The following KISS1R variants were observed in gnomAD, a reference collection of about 807,000 sequenced individuals.
KISS1R encodes KISS1 receptor, also known as kiSS-1 receptor.
Under a neutral mutation model 22.0 loss-of-function variants are expected in KISS1R, and 19 were observed. That is an observed-to-expected ratio of 0.86 (90% CI 0.60 to 1.26). The LOEUF (loss-of-function observed/expected upper bound fraction) is 1.26. Among genes scored for constraint, KISS1R ranks in the 50% most tolerant of loss-of-function variants. KISS1R has a pLI of 0.00. For missense variants in KISS1R, 653 were observed against 581.9 expected, an observed-to-expected ratio of 1.12 and a Z score of -1.26; for synonymous variants, 302 against 283.9, an observed-to-expected ratio of 1.06 and a Z score of -0.64.
At chr19:918,763 G>A (rs2037083745) in intron 2 of KISS1R, 95 bp downstream of exon 2, 1 of 1,425,072 alleles carries the variant, frequency 7.0e-7, no homozygotes, top group South Asian at 1.3e-5. Context: ...GGGGACAGGC[G>A]GGAGTGCGCT....
chr19:918,568 C>G lies in KISS1R; in HGVS notation c.269C>G (p.Thr90Ser), dbSNP rs944145153. ...YIANLAATDV[T>S]FLLCCVPFTA... ...GCCAACCTGGCGGCCACGGACGTGACCTTCCTCCTGTGCTGCGTCCCCTTC... is the reference window on the plus strand; with the variant it reads ...GCCAACCTGGCGGCCACGGACGTGAGCTTCCTCCTGTGCTGCGTCCCCTTC... Residue 90 changes from threonine (T) to serine (S), a missense_variant, in exon 2 of 5, where the codon ACC (threonine) becomes AGC (serine). Transcript: ENST00000234371. The G allele has an allele frequency of 3.2e-5, 50 of 1,551,236 alleles. No homozygotes were observed. Among genetic ancestry groups the G allele is most frequent in the Non-Finnish European group, 4.1e-5 (47 of 1,147,342 alleles).
chr19:918,723 C>A, intron 2 of KISS1R, 55 bp downstream of exon 2: 1 of 1,478,650 alleles, frequency 6.8e-7, no homozygotes, highest in Non-Finnish European at 9.0e-7. Context: ...CGGGGGTGCG[C>A]TCCGCAGTGG....
In KISS1R at chr19:920,615, A is replaced by G; in HGVS notation, c.1064A>G (p.Asp355Gly). 1 of 1,390,498 alleles carries G rather than the reference A, an allele frequency of 7.2e-7. No homozygotes were observed. Among genetic ancestry groups the G allele is most frequent in the Non-Finnish European group, 9.2e-7 (1 of 1,082,678 alleles). 86.1% of individuals were successfully genotyped at this position (1,390,498 alleles called of 1,614,324 possible). Residue 355 changes from aspartate to glycine, a missense_variant, in exon 5 of 5, where the codon GAC becomes GGC. Transcript: ENST00000234371. ...PRRPRRPGPS[D>G]PAAPHAELLR... is the part of the protein sequence containing the mutation. The stretch of plus-strand genomic sequence containing the variant: ...CGCCCCCGCCGGCCCGGACCCTCGG[A>G]CCCCGCAGCCCCACACGCGGAGCTG...
chr19:920,082 C>T lies in KISS1R; in HGVS notation c.714C>T (p.Pro238=). The T allele has an allele frequency of 6.7e-7, 1 of 1,492,450 alleles. No individual in the cohort carries two copies. 92.5% of individuals were successfully genotyped at this position (1,492,450 alleles called of 1,614,324 possible). The change falls in exon 4 of 5, where the codon CCC becomes CCT. Residue 238 remains proline (P), a synonymous_variant. Transcript: ENST00000234371. ...LRHLGRVAVR[P]APADSALQGQ... ...ACCTGGGCCGGGTCGCCGTGCGCCC[C>T]GCGCCCGCCGATAGCGCCCTGCAGG...
At position 919,909 on chromosome 19, in the gene KISS1R, C is replaced by A. The variant is rs1319615810; in HGVS notation, c.541C>A (p.His181Asn). 9.7e-6 allele frequency: 15 copies of A among 1,548,320 alleles called. 1 individual carries two copies. Among genetic ancestry groups the A allele is most frequent in the African/African-American group, 1.4e-5 (1 of 73,168 alleles). The change falls in exon 4 of 5, where the codon CAC becomes AAC. Residue 181 changes from histidine (H) to asparagine (N), a missense_variant. Physicochemically the swap from His to Asn is moderately conservative, Grantham distance 68. Coordinates refer to ENST00000234371, the MANE Select transcript of KISS1R (RefSeq NM_032551.5). ...GGTGTCTGCGCCGGTGCTCGCCCTG[C>A]ACCGCCTGTCACCCGGGCCGCGCGC... ...AAVSAPVLAL[H>N]RLSPGPRAYC...
chr19:918,409 GGA>G (rs1491006150), intron 1 of KISS1R, 133 bp from the exon 2 acceptor site: 23,355 of 158,056 alleles, frequency 0.15, 68 homozygotes, highest in African/African-American at 0.27. Context: ...GGGCGCTGGG[GGA>G]GGGGGGGGCC....
At chr19:918,242 G>A (rs1398517707) in intron 1 of KISS1R, among the ~76,000 whole-genome samples, 3 of 152,262 alleles carry the variant, frequency 2.0e-5, no homozygotes, top group Admixed American at 6.5e-5. Context: ...GAGGCTCAGA[G>A]GGTCAGGGGC....
intron 2 of KISS1R, 51 bp downstream of exon 2, chr19:918,719 T>TG (rs1170096548): frequency 1.6e-5 from 19 of 1,202,528 alleles, no homozygotes; most frequent in Non-Finnish European, 1.8e-5. Flanking sequence ...CGGGCGGGGG[T>TG]GCGCTCCGCA....
chr19:919,636 C>T lies in KISS1R; in HGVS notation c.505+11C>T. 6.5e-7 allele frequency: 1 copy of T among 1,546,748 alleles called. No homozygotes were observed. ...TCAGCATCTGGGTAGGTGAGTACAG[C>T]TCAGGGGCCTCACGGGAGAAGGCGG... On this transcript the variant is annotated intron_variant, in intron 3 of 4. Coordinates refer to ENST00000234371, the MANE Select transcript of KISS1R (RefSeq NM_032551.5).
At chr19:917,817 C>G (rs2037071038) in intron 1 of KISS1R, 71 bp downstream of exon 1, 6 of 1,502,306 alleles carry the variant, frequency 4.0e-6, no homozygotes, top group Non-Finnish European at 5.3e-6. Flanking sequence ...CTGGGGCGCC[C>G]TCTCGCGACG....
chr19:919,958 G>C lies in KISS1R; in HGVS notation c.590G>C (p.Ser197Thr), dbSNP rs769043782. The C allele has an allele frequency of 3.2e-6, 5 of 1,571,048 alleles. No homozygotes were observed. In the South Asian group the frequency reaches 5.8e-5, roughly 18 times the overall value. Residue 197 changes from serine (S) to threonine (T), a missense_variant, in exon 4 of 5, where the codon AGC becomes ACC. Coordinates refer to ENST00000234371, the MANE Select transcript of KISS1R (RefSeq NM_032551.5). Reference protein sequence around the residue: ...PRAYCSEAFPSRALERAFALY... With the variant: ...PRAYCSEAFPTRALERAFALY... ...GCCTACTGCAGTGAGGCCTTCCCCA[G>C]CCGCGCCCTGGAGCGCGCCTTCGCA... is the stretch of plus-strand genomic sequence containing the variant.
At chr19:919,428 G>A (rs758307359) in intron 2 of KISS1R, 62 bp from the exon 3 acceptor site, 130 of 1,533,460 alleles carry the variant, frequency 8.5e-5, no homozygotes, top group Non-Finnish European at 1.1e-4. Flanking sequence ...CAGCAGGGCG[G>A]GCGGACAGGG....
chr19:918,561 G>T lies in KISS1R; in HGVS notation c.262G>T (p.Asp88Tyr), dbSNP rs1258456090. Reference sequence around the variant, plus strand: ...CACCGCAGCCAACCTGGCGGCCACGGACGTGACCTTCCTCCTGTGCTGCGT... The same window carrying T: ...CACCGCAGCCAACCTGGCGGCCACGTACGTGACCTTCCTCCTGTGCTGCGT... ...NFYIANLAAT[D>Y]VTFLLCCVPF... is the part of the protein sequence containing the mutation. The change falls in exon 2 of 5, where the codon GAC becomes TAC. Residue 88 changes from aspartate (D) to tyrosine (Y), a missense_variant. By Grantham distance (160) the Asp-to-Tyr change is radical. Coordinates refer to ENST00000234371, the MANE Select transcript of KISS1R (RefSeq NM_032551.5). 2 of 1,550,794 alleles carry T rather than the reference G, an allele frequency of 1.3e-6. No homozygotes were observed. The highest frequency in any genetic ancestry group is 1.4e-5 in the African/African-American group (1 of 73,182).
At chr19:919,173 G>C in intron 2 of KISS1R, among the ~76,000 whole-genome samples, 1 of 151,702 alleles carries the variant, frequency 6.6e-6, no homozygotes, top group East Asian at 1.9e-4. Context: ...ACGGGGACCC[G>C]GGTCACTGGT....
chr19:920,275 A>G lies in KISS1R; in HGVS notation c.739-15A>G. The G allele has an allele frequency of 2.6e-6, 4 of 1,566,860 alleles. No homozygotes were observed. The highest frequency in any genetic ancestry group is 3.4e-6 in the Non-Finnish European group (4 of 1,165,710). On this transcript the variant is annotated splice_polypyrimidine_tract_variant and intron_variant, in intron 4 of 4. Coordinates refer to ENST00000234371, the MANE Select transcript of KISS1R (RefSeq NM_032551.5). Reference sequence around the variant, plus strand: ...CCCAGCCTTTCGTCTAACCACCTTCACGGCACCCCCCCAGGGGCAGGTGCT... The same window carrying G: ...CCCAGCCTTTCGTCTAACCACCTTCGCGGCACCCCCCCAGGGGCAGGTGCT...
In KISS1R at chr19:919,922, C is replaced by G; in HGVS notation, c.554C>G (p.Pro185Arg). ...GTGCTCGCCCTGCACCGCCTGTCACCCGGGCCGCGCGCCTACTGCAGTGAG... is the reference window on the plus strand; with the variant it reads ...GTGCTCGCCCTGCACCGCCTGTCACGCGGGCCGCGCGCCTACTGCAGTGAG... ...APVLALHRLS[P>R]GPRAYCSEAF... The change falls in exon 4 of 5, where the codon CCC (proline) becomes CGC (arginine). Residue 185 changes from proline to arginine, a missense_variant. Physicochemically the swap from Pro to Arg is moderately radical, Grantham distance 103. Transcript: ENST00000234371. The G allele has an allele frequency of 1.3e-6, 2 of 1,556,968 alleles. No individual in the cohort carries two copies. The highest frequency in any genetic ancestry group is 2.3e-5 in the South Asian group (2 of 85,478).
At position 919,948 on chromosome 19, in the gene KISS1R, G is replaced by T; in HGVS notation, c.580G>T (p.Ala194Ser). 6.4e-7 allele frequency: 1 copy of T among 1,569,526 alleles called. No individual in the cohort carries two copies. Residue 194 changes from alanine to serine, a missense_variant, in exon 4 of 5, where the codon GCC (alanine) becomes TCC (serine). By Grantham distance (99) the Ala-to-Ser change is moderately conservative (BLOSUM62 1). Transcript: ENST00000234371. ...SPGPRAYCSE[A>S]FPSRALERAF... ...CGGGCCGCGCGCCTACTGCAGTGAG[G>T]CCTTCCCCAGCCGCGCCCTGGAGCG...
Position 920,622 on chromosome 19 carries a change from A to C in KISS1R, c.1071A>C (p.Ala357=). Residue 357 remains alanine (A), a synonymous_variant, in exon 5 of 5, where the codon GCA becomes GCC. Coordinates refer to ENST00000234371, the MANE Select transcript of KISS1R (RefSeq NM_032551.5). ...RPRRPGPSDP[A]APHAELLRLG... ...GCCGGCCCGGACCCTCGGACCCCGC[A>C]GCCCCACACGCGGAGCTGCTCCGCC... 5 of 1,370,884 alleles carry C rather than the reference A, an allele frequency of 3.6e-6. No individual in the cohort carries two copies. The highest frequency in any genetic ancestry group is 4.7e-6 in the Non-Finnish European group (5 of 1,072,478). The allele number at this position is 1,370,884 out of a possible 1,614,324, so 84.9% of individuals were successfully genotyped here.
intron 3 of KISS1R, 88 bp from the exon 4 acceptor site, chr19:919,786 C>T (rs2037098879): frequency 2.0e-6 from 3 of 1,492,730 alleles, no homozygotes; most frequent in Non-Finnish European, 2.7e-6. Context: ...CGGGCCTTTG[C>T]AGGGTGGCTG....
Sources: allele counts gnomAD v4.1 joint callset (sites outside exome capture counted in the v4.1 genomes callset), GRCh38; gene constraint gnomAD v4.1.1; transcripts MANE v1.5; gene names NCBI Gene and HGNC (gene_info 2026-07-23, HGNC 2026-07-21).